EPB41L3: variants seen among roughly 807,000 people sequenced by gnomAD.
The protein encoded by EPB41L3 is band 4.1-like protein 3.
A neutral mutation model predicts 127.1 loss-of-function variants in EPB41L3; 57 were observed. The ratio of observed to expected loss-of-function variants is 0.45; its 90% CI spans 0.36 to 0.56. The LOEUF (loss-of-function observed/expected upper bound fraction) is 0.56. Ranked by LOEUF, EPB41L3 falls within the 20% of genes least tolerant of loss-of-function variation. The pLI, the probability that EPB41L3 is intolerant of heterozygous loss-of-function variation, is 0.00. For missense variants in EPB41L3, 1,273 were observed against 1,372.2 expected, an observed-to-expected ratio of 0.93 and a Z score of 1.14; for synonymous variants, 572 against 549.5, an observed-to-expected ratio of 1.04 and a Z score of -0.57.
At chr18:5,553,173 TAA>T (rs1443160209) in intron 3 of EPB41L3, among the ~76,000 whole-genome samples, 2 of 152,230 alleles carry the variant, frequency 1.3e-5, no homozygotes, top group Admixed American at 6.5e-5. Flanking sequence ...AAGAAGCTAC[TAA>T]AAGACTGTAA....
At chr18:5,603,100 T>C (rs1286024062) in intron 3 of EPB41L3, among the ~76,000 whole-genome samples, 2 of 152,200 alleles carry the variant, frequency 1.3e-5, no homozygotes, top group Non-Finnish European at 2.9e-5. Context: ...TGCTTCAATT[T>C]TTTTTCCTTT....
At chr18:5,525,856 A>G (rs2148870713) in intron 1 of EPB41L3, among the ~76,000 whole-genome samples, 1 of 152,304 alleles carries the variant, frequency 6.6e-6, no homozygotes, top group Admixed American at 6.5e-5. Context: ...CAGATGCATA[A>G]AAATAATTGC....
chr18:5,618,469 C>T (rs2094823470), intron 1 of EPB41L3, among the ~76,000 whole-genome samples: 1 of 152,188 alleles, frequency 6.6e-6, no homozygotes, highest in African/African-American at 2.4e-5. Context: ...CGACATTGCT[C>T]AACCTACGTC....
intron 16 of EPB41L3, among the ~76,000 whole-genome samples, chr18:5,402,561 C>T (rs1045044505): frequency 1.2e-4 from 18 of 151,942 alleles, no homozygotes; most frequent in African/African-American, 4.1e-4. Flanking sequence ...TGTGTATGTC[C>T]AATAACATAA....
At chr18:5,561,206 T>C (rs1255979834) in intron 3 of EPB41L3, among the ~76,000 whole-genome samples, 1 of 151,990 alleles carries the variant, frequency 6.6e-6, no homozygotes, top group Non-Finnish European at 1.5e-5. Context: ...CAAGATCTCC[T>C]GACCTCGTGA....
intron 1 of EPB41L3, among the ~76,000 whole-genome samples, chr18:5,513,067 C>T (rs1336728683): frequency 1.3e-5 from 2 of 152,196 alleles, no homozygotes; most frequent in Non-Finnish European, 2.9e-5. Flanking sequence ...TTAGGGAATG[C>T]AGCTGCAGTC....
intron 3 of EPB41L3, among the ~76,000 whole-genome samples, chr18:5,569,749 C>A (rs1302302228): frequency 6.6e-6 from 1 of 152,172 alleles, no homozygotes; most frequent in Non-Finnish European, 1.5e-5. Flanking sequence ...TAATATATTT[C>A]TCCATGGCAA....
intron 5 of EPB41L3, among the ~76,000 whole-genome samples, chr18:5,439,603 C>G (rs1367701958): frequency 6.6e-6 from 1 of 152,136 alleles, no homozygotes; most frequent in Admixed American, 6.5e-5. Flanking sequence ...TACCATAGGA[C>G]CAGGCATTAG....
At chr18:5,520,377 C>G (rs1160633629) in intron 1 of EPB41L3, among the ~76,000 whole-genome samples, 3 of 152,116 alleles carry the variant, frequency 2.0e-5, no homozygotes, top group Admixed American at 6.5e-5. Flanking sequence ...ATATGAGGAT[C>G]TAATAATAAA....
intron 5 of EPB41L3, 27 bp downstream of exon 5, chr18:5,443,811 C>T: frequency 6.2e-7 from 1 of 1,602,082 alleles, no homozygotes; most frequent in Non-Finnish European, 8.5e-7. Flanking sequence ...TTCACATTTC[C>T]ACAAAAAATA....
rs1031956615 is a variant in EPB41L3, at chr18:5,612,667, G to GA, written c.-394-240dup. ...ACTATTTTTACTTGCTAAAGATGCA[G>GA]AAAAAAAGGAATATATTGGTGCATA... is the stretch of plus-strand genomic sequence containing the variant. On this transcript the variant is annotated intron_variant, in intron 2 of 21. Coordinates refer to the EPB41L3 transcript ENST00000545076. Among the ~76,000 whole-genome samples the GA allele has an allele frequency of 4.6e-5, 7 of 152,060 alleles. 1 individual carries two copies. The highest frequency in any genetic ancestry group is 1.4e-4 in the African/African-American group (6 of 41,426).
chr18:5,508,407 TC>T (rs765181458), intron 1 of EPB41L3: 8 of 152,140 alleles, frequency 5.3e-5, no homozygotes, highest in Non-Finnish European at 1.2e-4. Context: ...TGCAAAGTAT[TC>T]CTGTCCTATT....
At chr18:5,417,125 T>C (rs191032209) in intron 12 of EPB41L3, among the ~76,000 whole-genome samples, 2 of 152,306 alleles carry the variant, frequency 1.3e-5, no homozygotes, top group Admixed American at 1.3e-4. Flanking sequence ...GCAAAAACAA[T>C]GTGTTTTCTT....
At chr18:5,503,209 T>C (rs2091889838) in intron 1 of EPB41L3, among the ~76,000 whole-genome samples, 1 of 152,200 alleles carries the variant, frequency 6.6e-6, no homozygotes, top group Admixed American at 6.5e-5. Context: ...CTTAGTTTTT[T>C]ATAGAAAAAG....
intron 14 of EPB41L3, among the ~76,000 whole-genome samples, chr18:5,408,821 G>C (rs1017640880): frequency 6.6e-6 from 1 of 152,122 alleles, no homozygotes; most frequent in African/African-American, 2.4e-5. Context: ...TGCTTTCTGA[G>C]TATCAGTAAT....
At chr18:5,573,779 C>A (rs753830396) in intron 3 of EPB41L3, among the ~76,000 whole-genome samples, 1 of 151,978 alleles carries the variant, frequency 6.6e-6, no homozygotes, top group Non-Finnish European at 1.5e-5. Context: ...TATGCTTACA[C>A]AAATAAGAAA....
chr18:5,468,600 G>A, intron 3 of EPB41L3, among the ~76,000 whole-genome samples: 1 of 152,162 alleles, frequency 6.6e-6, no homozygotes, highest in East Asian at 1.9e-4. Context: ...CTGCAGACAG[G>A]AGCTACCCAC....
chr18:5,421,025 C>CA (rs913857697), intron 11 of EPB41L3, among the ~76,000 whole-genome samples: 3 of 152,090 alleles, frequency 2.0e-5, no homozygotes, highest in Non-Finnish European at 2.9e-5. Flanking sequence ...TGCAACCTTG[C>CA]AAAAAAGCAG....
intron 2 of EPB41L3, chr18:5,480,766 C>A (rs1036993725): frequency 2.0e-5 from 3 of 152,142 alleles, no homozygotes; most frequent in Non-Finnish European, 4.4e-5. Flanking sequence ...GTCATCTCTC[C>A]CTCTTAGTGT....
Sources: allele counts gnomAD v4.1 joint callset (sites outside exome capture counted in the v4.1 genomes callset), GRCh38; gene constraint gnomAD v4.1.1; transcripts MANE v1.5; gene names NCBI Gene and HGNC (gene_info 2026-07-23, HGNC 2026-07-21).